Variants in OTOF observed in about 807,000 individuals in gnomAD.
OTOF encodes fer-1-like family member 2.
Under a neutral mutation model 236.8 loss-of-function variants are expected in OTOF, and 218 were observed. The ratio of observed to expected loss-of-function variants is 0.92; its 90% CI spans 0.82 to 1.03. OTOF has a LOEUF of 1.03. Ranked by LOEUF, OTOF falls within the 50% of genes least tolerant of loss-of-function variation. The probability of loss-of-function intolerance (pLI) is 0.00; values close to 1 mark genes in which losing one functional copy is unlikely to be tolerated. For synonymous variants in OTOF, 1,041 were observed against 1,072.5 expected (o/e 0.97, Z 0.57); for missense variants, 2,590 against 2,694.4 (o/e 0.96, Z 0.86).
At chr2:26,550,120 A>C (rs1325973468) in intron 1 of OTOF, among the ~76,000 whole-genome samples, 1 of 150,738 alleles carries the variant, frequency 6.6e-6, no homozygotes, top group Non-Finnish European at 1.5e-5. Flanking sequence ...AAAAAAAGCC[A>C]GTGGGTGAAA....
chr2:26,508,764 A>G (rs1666312963), intron 5 of OTOF, among the ~76,000 whole-genome samples: 1 of 152,242 alleles, frequency 6.6e-6, no homozygotes, highest in Non-Finnish European at 1.5e-5. Flanking sequence ...GTGGAGATAG[A>G]TACCAACCAG....
intron 2 of OTOF, among the ~76,000 whole-genome samples, chr2:26,531,547 G>A (rs189422718): frequency 3.9e-5 from 6 of 152,160 alleles, no homozygotes; most frequent in Non-Finnish European, 8.8e-5. Flanking sequence ...TTGTCTCCTT[G>A]TCATGCCACC....
intron 2 of OTOF, among the ~76,000 whole-genome samples, chr2:26,532,092 CAA>C (rs150580671): frequency 0.017 from 1,375 of 79,966 alleles, 14 homozygotes; most frequent in African/African-American, 0.068. Flanking sequence ...GACTCCACCT[CAA>C]AAAAAAAAAA....
In OTOF at chr2:26,485,536, G is replaced by C. The variant is rs369209613; in HGVS notation, c.1046-903C>G. ...AAGGACGGATGTCAGGGAAGGAGGC[G>C]CTTTAGGAAGGATTTGCCCCTTCAG... On this transcript the variant is annotated intron_variant, in intron 11 of 46. Coordinates refer to ENST00000272371, the MANE Select transcript of OTOF (RefSeq NM_194248.3). Among the ~76,000 whole-genome samples the C allele has an allele frequency of 5.0e-4, 76 of 152,342 alleles. 2 individuals are homozygous for C. The highest frequency in any genetic ancestry group is 1.8e-3 in the African/African-American group (75 of 41,586).
Position 26,473,049 on chromosome 2 carries a change from G to T in OTOF, c.3733+83C>A. 1.4e-6 allele frequency: 2 copies of T among 1,433,524 alleles called. No homozygotes were observed. Among genetic ancestry groups the T allele is most frequent in the Non-Finnish European group, 1.9e-6 (2 of 1,043,412 alleles). 88.8% of individuals were successfully genotyped at this position (1,433,524 alleles called of 1,614,324 possible). A position where few individuals can be genotyped will look rare whatever the true frequency, so the allele number is the denominator to read the frequency against. The stretch of plus-strand genomic sequence containing the variant: ...CGGCCCCAAAGAGCAAACTCTGGTC[G>T]CGGCTTGGACTGGGCGGAGACCTGG... On this transcript the variant is annotated intron_variant, in intron 29 of 46. Coordinates refer to ENST00000272371, the MANE Select transcript of OTOF (RefSeq NM_194248.3). This position sits in a 1 kb window ranked among gnomAD's most constrained non-coding sequence, Gnocchi z 7.2.
intron 2 of OTOF, among the ~76,000 whole-genome samples, chr2:26,530,897 G>A (rs1666931712): frequency 1.3e-5 from 2 of 152,164 alleles, no homozygotes; most frequent in South Asian, 2.1e-4. Flanking sequence ...AGGGTGACGG[G>A]CCTCTTGGCT....
At chr2:26,537,823 T>A in intron 1 of OTOF, 49 bp from the exon 2 acceptor site, 2 of 1,376,968 alleles carry the variant, frequency 1.5e-6, no homozygotes, top group South Asian at 2.5e-5. Context: ...GTCCAGACGA[T>A]GAGCATGGGG....
chr2:26,541,674 C>T (rs1172639344), intron 1 of OTOF, among the ~76,000 whole-genome samples: 1 of 152,228 alleles, frequency 6.6e-6, no homozygotes, highest in Non-Finnish European at 1.5e-5. Flanking sequence ...AAGTTCATTT[C>T]CACTTCACAT....
intron 13 of OTOF, among the ~76,000 whole-genome samples, chr2:26,483,070 T>C (rs771215654): frequency 2.7e-4 from 40 of 150,452 alleles, no homozygotes; most frequent in East Asian, 5.9e-4. Context: ...TGGGTGTGTG[T>C]GCGTGTGTGA....
intron 3 of OTOF, among the ~76,000 whole-genome samples, chr2:26,521,558 T>A (rs1352909641): frequency 6.6e-6 from 1 of 152,190 alleles, no homozygotes; most frequent in Non-Finnish European, 1.5e-5. Flanking sequence ...TGCTTTTAAG[T>A]CCCTGCTAGA....
At chr2:26,557,359 A>G (rs536292554) in intron 1 of OTOF, among the ~76,000 whole-genome samples, 1 of 152,140 alleles carries the variant, frequency 6.6e-6, no homozygotes, top group Admixed American at 6.5e-5. Flanking sequence ...GGCCATGTCT[A>G]GTGAGAAGTA....
Position 26,466,806 on chromosome 2 carries a change from G to T in OTOF, c.4408C>A (p.Arg1470=). 6.2e-7 allele frequency: 1 copy of T among 1,614,192 alleles called. No individual in the cohort carries two copies. The highest frequency in any genetic ancestry group is 8.5e-7 in the Non-Finnish European group (1 of 1,180,038). Residue 1470 remains arginine, a synonymous_variant, in exon 36 of 47, where the codon CGG becomes AGG. Transcript: ENST00000272371. ...YKVPLPEDVS[R]EAGYDSTYGM... is the part of the protein sequence containing the mutation. ...TAGGTGGAGTCGTAGCCGGCTTCCC[G>T]GGACACGTCCTCTGGGAGTGGCACT...
intron 6 of OTOF, among the ~76,000 whole-genome samples, chr2:26,502,719 G>T (rs1441590012): frequency 2.6e-5 from 4 of 152,196 alleles, no homozygotes; most frequent in African/African-American, 9.7e-5. Flanking sequence ...AGGGAATAAA[G>T]AATCCATACT....
chr2:26,476,491 C>T (rs1315502103), intron 22 of OTOF, among the ~76,000 whole-genome samples, 174 bp from the exon 23 acceptor site: 1 of 148,706 alleles, frequency 6.7e-6, no homozygotes, highest in African/African-American at 2.5e-5. Flanking sequence ...GTCATGCCCC[C>T]TTCCCCACCC....
chr2:26,466,537 A>G (rs992215527), intron 36 of OTOF, among the ~76,000 whole-genome samples, 177 bp downstream of exon 36: 1 of 152,154 alleles, frequency 6.6e-6, no homozygotes, highest in African/African-American at 2.4e-5. Flanking sequence ...GGGTTTAACC[A>G]TGTTGGCCAG....
intron 14 of OTOF, among the ~76,000 whole-genome samples, 196 bp from the exon 15 acceptor site, chr2:26,481,205 C>T (rs986987150): frequency 2.6e-5 from 4 of 152,046 alleles, no homozygotes; most frequent in African/African-American, 7.2e-5. Context: ...TTCTTCCCTG[C>T]GGGGGCCTGA....
At chr2:26,463,370 G>T in intron 41 of OTOF, 113 bp downstream of exon 41, 1 of 861,466 alleles carries the variant, frequency 1.2e-6, no homozygotes, top group South Asian at 1.4e-5. Context: ...CCCCAGGGAT[G>T]CCAACTGGCC....
intron 11 of OTOF, among the ~76,000 whole-genome samples, chr2:26,487,127 A>G (rs545510173): frequency 6.6e-6 from 1 of 152,268 alleles, no homozygotes; most frequent in South Asian, 2.1e-4. Context: ...CCAGGGTGAG[A>G]AGAGGTTCTC....
At position 26,463,865 on chromosome 2, in the gene OTOF, C is replaced by A. The variant is rs770750823; in HGVS notation, c.5103+99G>T. On this transcript the variant is annotated intron_variant, in intron 40 of 46. Transcript: ENST00000272371. The stretch of plus-strand genomic sequence containing the variant: ...GCCTGCCAGGCTTTCTGGAATGCAG[C>A]GGACAGCGTGAGGCCTGGCTTCTAC... 4 of 1,501,952 alleles carry A rather than the reference C, an allele frequency of 2.7e-6. No homozygotes were observed. The South Asian group carries it at 4.5e-5, about 17-fold the overall frequency. 93.0% of individuals were successfully genotyped at this position (1,501,952 alleles called of 1,614,324 possible).
Sources: gnomAD v4.1 joint callset for allele counts (sites outside exome capture counted in the v4.1 genomes callset) on GRCh38, gnomAD v4.1.1 for gene constraint, Gnocchi (gnomAD v3.1) non-coding constraint, MANE v1.5 for transcripts, NCBI Gene and HGNC (gene_info 2026-07-23, HGNC 2026-07-21) for gene names.